ADAMTS2: variants seen among roughly 807,000 people sequenced by gnomAD.
ADAMTS2 encodes A disintegrin and metalloproteinase with thrombospondin motifs 2.
Under a neutral mutation model 123.0 loss-of-function variants are expected in ADAMTS2, and 50 were observed. That is an observed-to-expected ratio of 0.41 (90% CI 0.32 to 0.51). ADAMTS2 has a LOEUF of 0.51. ADAMTS2 is among the 20% of genes least tolerant of loss of function. The pLI is 0.35. For synonymous variants in ADAMTS2, 678 were observed against 695.4 expected, an observed-to-expected ratio of 0.98 and a Z score of 0.39; for missense variants, 1,494 against 1,705.2, an observed-to-expected ratio of 0.88 and a Z score of 2.18.
intron 3 of ADAMTS2, among the ~76,000 whole-genome samples, chr5:179,244,108 A>AGAAACAGT (rs1440791108): frequency 6.6e-6 from 1 of 151,238 alleles, no homozygotes. Context: ...AAAAGATGGA[A>AGAAACAGT]GAAACAGTGG....
At chr5:179,253,841 C>T (rs1159980098) in intron 3 of ADAMTS2, among the ~76,000 whole-genome samples, 4 of 152,144 alleles carry the variant, frequency 2.6e-5, no homozygotes, top group Non-Finnish European at 4.4e-5. Context: ...ACACCAACTC[C>T]AAATCTGATC....
At chr5:179,137,030 C>G (rs1020064703) in intron 12 of ADAMTS2, among the ~76,000 whole-genome samples, 1 of 152,114 alleles carries the variant, frequency 6.6e-6, no homozygotes, top group African/African-American at 2.4e-5. Flanking sequence ...ATGAGGCCAG[C>G]CTGCCTCGAT....
chr5:179,227,503 C>T (rs77891976), intron 3 of ADAMTS2, among the ~76,000 whole-genome samples: 4,696 of 152,240 alleles, frequency 0.031, 259 homozygotes, highest in African/African-American at 0.1. Context: ...GGTGCTGGCA[C>T]GGCAGTATCT....
At chr5:179,176,734 G>A (rs1366982504) in intron 5 of ADAMTS2, among the ~76,000 whole-genome samples, 1 of 152,240 alleles carries the variant, frequency 6.6e-6, no homozygotes, top group African/African-American at 2.4e-5. Flanking sequence ...ATGGGATCGT[G>A]TCACTGCTTA....
At chr5:179,329,122 T>G (rs571334742) in intron 2 of ADAMTS2, among the ~76,000 whole-genome samples, 39 of 152,174 alleles carry the variant, frequency 2.6e-4, no homozygotes, top group Middle Eastern at 3.4e-3. Flanking sequence ...GGTCAGGAGA[T>G]GGAGACCATC....
rs190848516 is a variant in ADAMTS2, at chr5:179,200,456, C to T, written c.891+7057G>A. On this transcript the variant is annotated intron_variant, in intron 4 of 21. Coordinates refer to ENST00000251582, the MANE Select transcript of ADAMTS2 (RefSeq NM_014244.5). ...TAGAGATGAGGTTTTGTCATGTTGGCCAGGCTCGTCTCGAACTCTTGACCT... is the reference window on the plus strand; with the variant it reads ...TAGAGATGAGGTTTTGTCATGTTGGTCAGGCTCGTCTCGAACTCTTGACCT... Among the ~76,000 whole-genome samples the T allele has an allele frequency of 3.4e-3, 516 of 152,162 alleles. 4 individuals are homozygous for T. Among genetic ancestry groups the T allele is most frequent in the African/African-American group, 0.012 (490 of 41,494 alleles).
In ADAMTS2 at chr5:179,317,915, TTCCCTGGGG is replaced by T. The variant is rs986333169; in HGVS notation, c.534+25843_534+25851del. The stretch of plus-strand genomic sequence containing the variant: ...AGGTTCTGGAAACCCAGACTGAAGG[TTCCCTGGGG>T]TCCCTGGGGCTCATCCAGGGCTGGG... On this transcript the variant is annotated intron_variant, in intron 2 of 21. Coordinates refer to ENST00000251582, the MANE Select transcript of ADAMTS2 (RefSeq NM_014244.5). The surrounding 1 kb of genome is among the most constrained non-coding windows in gnomAD (Gnocchi z 4.9). 1.3e-5 allele frequency among the ~76,000 whole-genome samples: 2 copies of T among 152,024 alleles called. No homozygotes were observed. The highest frequency in any genetic ancestry group is 4.8e-5 in the African/African-American group (2 of 41,392).
At chr5:179,224,067 T>C (rs865917446) in intron 3 of ADAMTS2, among the ~76,000 whole-genome samples, 1 of 152,342 alleles carries the variant, frequency 6.6e-6, no homozygotes, top group Middle Eastern at 3.4e-3. Flanking sequence ...GCAGCGTGGA[T>C]GCGGGCGGAT....
At chr5:179,200,856 T>C (rs528532258) in intron 4 of ADAMTS2, among the ~76,000 whole-genome samples, 7 of 152,210 alleles carry the variant, frequency 4.6e-5, no homozygotes, top group African/African-American at 1.2e-4. Context: ...GGGGGAAATA[T>C]TTCCCACACA....
At chr5:179,196,838 T>C (rs1764443173) in intron 4 of ADAMTS2, among the ~76,000 whole-genome samples, 1 of 152,218 alleles carries the variant, frequency 6.6e-6, no homozygotes, top group East Asian at 1.9e-4. Context: ...CCCACTGTTG[T>C]AGCACAAAAA....
chr5:179,325,941 C>T (rs941085360), intron 2 of ADAMTS2, among the ~76,000 whole-genome samples: 1 of 152,236 alleles, frequency 6.6e-6, no homozygotes, highest in African/African-American at 2.4e-5. Flanking sequence ...CCACACCCTC[C>T]GGATTCACTC....
chr5:179,300,094 C>CAAAAA (rs59939578), intron 2 of ADAMTS2, among the ~76,000 whole-genome samples: 14 of 102,098 alleles, frequency 1.4e-4, no homozygotes, highest in Admixed American at 2.2e-4. Context: ...GACTCCGTCT[C>CAAAAA]AAAAAAAAAA....
At chr5:179,138,211 T>A (rs1265004704) in intron 11 of ADAMTS2, among the ~76,000 whole-genome samples, 1 of 152,144 alleles carries the variant, frequency 6.6e-6, no homozygotes, top group Non-Finnish European at 1.5e-5. Context: ...GGAGGCAGCA[T>A]CTGCTCACAG....
intron 13 of ADAMTS2, among the ~76,000 whole-genome samples, 184 bp downstream of exon 13, chr5:179,135,725 C>T (rs891874570): frequency 3.9e-5 from 6 of 152,194 alleles, no homozygotes; most frequent in African/African-American, 1.2e-4. Flanking sequence ...AAGTCTCAGG[C>T]TCCCAGCACA....
In ADAMTS2 at chr5:179,132,496, A is replaced by C. The variant is rs1487309815; in HGVS notation, c.2210-186T>G. Among the ~76,000 whole-genome samples, 1 of 151,840 alleles carries C rather than the reference A, an allele frequency of 6.6e-6. No individual in the cohort carries two copies. Among genetic ancestry groups the C allele is most frequent in the Non-Finnish European group, 1.5e-5 (1 of 67,946 alleles). On this transcript the variant is annotated intron_variant, in intron 14 of 21. Coordinates refer to ENST00000251582, the MANE Select transcript of ADAMTS2 (RefSeq NM_014244.5). The surrounding 1 kb of genome is among the most constrained non-coding windows in gnomAD (Gnocchi z 6.1). ...CCAGGAAAGCTGCTGCCTCCAGGCT[A>C]GTCTTTAAGGCCCAACCCGGGCATC...
chr5:179,153,605 C>T lies in ADAMTS2; in HGVS notation c.1401G>A (p.Leu467=). The T allele has an allele frequency of 1.2e-6, 2 of 1,605,268 alleles. No individual in the cohort carries two copies. Among genetic ancestry groups the T allele is most frequent in the East Asian group, 2.2e-5 (1 of 44,848 alleles). Residue 467 remains leucine, a synonymous_variant, in exon 9 of 22, where the codon CTG becomes CTA. Transcript: ENST00000251582. ...GCCAGTCGTGGGCGAAGGGGTCATC[C>T]AGCAGGCAGTCATAGGAGCTGTGGG... The part of the protein sequence containing the change: ...SRYLHSYDCL[L]DDPFAHDWPA...
At chr5:179,183,318 C>T (rs538155178) in intron 4 of ADAMTS2, among the ~76,000 whole-genome samples, 3 of 152,204 alleles carry the variant, frequency 2.0e-5, no homozygotes, top group South Asian at 4.1e-4. Flanking sequence ...GGAGTCTGAC[C>T]GAGGGAAGGT....
Position 179,185,678 on chromosome 5 carries a change from C to T in ADAMTS2, c.892-4523G>A, listed in dbSNP as rs1417222036. ...TCCCTGGGATAGACCGTCAGCCTCA[C>T]ATTCTGCTTGGAGGTGGGGTCGAGG... is the stretch of plus-strand genomic sequence containing the variant. On this transcript the variant is annotated intron_variant, in intron 4 of 21. Transcript: ENST00000251582. This position sits in a 1 kb window ranked among gnomAD's most constrained non-coding sequence, Gnocchi z 5.9. Among the ~76,000 whole-genome samples, 1 of 151,712 alleles carries T rather than the reference C, an allele frequency of 6.6e-6. No individual in the cohort carries two copies. The highest frequency in any genetic ancestry group is 2.4e-5 in the African/African-American group (1 of 41,132).
chr5:179,323,334 T>G (rs1757235581), intron 2 of ADAMTS2, among the ~76,000 whole-genome samples: 2 of 152,156 alleles, frequency 1.3e-5, no homozygotes, highest in Admixed American at 1.3e-4. Flanking sequence ...CCCCCCACCC[T>G]CCAGCTGTAG....
Sources: gnomAD v4.1 joint callset for allele counts (sites outside exome capture counted in the v4.1 genomes callset) on GRCh38, gnomAD v4.1.1 for gene constraint, Gnocchi (gnomAD v3.1) non-coding constraint, MANE v1.5 for transcripts, NCBI Gene and HGNC (gene_info 2026-07-23, HGNC 2026-07-21) for gene names.